Variants in ELAVL4 observed in about 807,000 individuals in gnomAD.
The protein encoded by ELAVL4 is ELAV-like protein 4.
A neutral mutation model predicts 35.6 loss-of-function variants in ELAVL4; 1 was observed. That is an observed-to-expected ratio of 0.03 (90% confidence interval 0.01 to 0.13). The LOEUF (loss-of-function observed/expected upper bound fraction) is 0.13, where lower values mean the gene tolerates loss of function less well. ELAVL4 is among the 10% of genes least tolerant of loss of function. The pLI is 1.00. For synonymous variants in ELAVL4, 156 were observed against 171.0 expected (o/e 0.91, Z 0.69); for missense variants, 267 against 464.9 (o/e 0.57, Z 3.91).
chr1:50,143,138 G>T (rs571854979), intron 1 of ELAVL4, among the ~76,000 whole-genome samples: 1 of 152,308 alleles, frequency 6.6e-6, no homozygotes, highest in South Asian at 2.1e-4. Context: ...GGCATTTGGG[G>T]TGCCAGTCAT....
At chr1:50,102,384 C>T (rs1172573960), upstream of ELAVL4, among the ~76,000 whole-genome samples, 6 of 151,224 alleles carry the variant, frequency 4.0e-5, no homozygotes, top group African/African-American at 1.5e-4. Context: ...TCAAAGAATT[C>T]CTGTTAATTT....
At chr1:50,156,274 C>G (rs1460648870) in intron 2 of ELAVL4, among the ~76,000 whole-genome samples, 2 of 152,228 alleles carry the variant, frequency 1.3e-5, no homozygotes, top group Non-Finnish European at 2.9e-5. Flanking sequence ...TCCATTTCCT[C>G]AATACACAGT....
intron 1 of ELAVL4, among the ~76,000 whole-genome samples, chr1:50,117,267 A>C (rs1668111028): frequency 6.6e-6 from 1 of 152,110 alleles, no homozygotes; most frequent in East Asian, 1.9e-4. Flanking sequence ...TGGGGCTAAA[A>C]ACATATTATA....
intron 1 of ELAVL4, among the ~76,000 whole-genome samples, chr1:50,076,987 T>C (rs1264774241): frequency 6.6e-6 from 1 of 152,000 alleles, no homozygotes; most frequent in African/African-American, 2.4e-5. Context: ...ATTATATTTG[T>C]CAAAAATCTC....
chr1:50,160,469 T>G (rs1037287645), intron 2 of ELAVL4, among the ~76,000 whole-genome samples: 2 of 152,354 alleles, frequency 1.3e-5, no homozygotes, highest in Admixed American at 1.3e-4. Context: ...TTTAAACATT[T>G]GTTGAAATCA....
chr1:50,081,804 T>G (rs1665020131), intron 1 of ELAVL4, among the ~76,000 whole-genome samples: 1 of 152,184 alleles, frequency 6.6e-6, no homozygotes, highest in South Asian at 2.1e-4. Flanking sequence ...CATTAGGTAT[T>G]TCTCCTAAAG....
rs2148697787 is a variant in ELAVL4 at position 50,146,788 on chromosome 1, T to G, written c.250+1591T>G. Among the ~76,000 whole-genome samples the G allele has an allele frequency of 1.3e-5, 2 of 152,322 alleles. 1 individual carries two copies. Among genetic ancestry groups the G allele is most frequent in the Middle Eastern group, 6.8e-3 (2 of 294 alleles). On this transcript the variant is annotated intron_variant, in intron 2 of 6. Coordinates refer to ENST00000371824, the MANE Select transcript of ELAVL4 (RefSeq NM_001144774.3). ...TCCTATATAGAAAATGTATTTTTAG[T>G]ATAGCCTTACCTTCAAAATACAGAC... is the stretch of plus-strand genomic sequence containing the variant.
At chr1:50,117,164 C>G (rs981435553) in intron 1 of ELAVL4, among the ~76,000 whole-genome samples, 2 of 152,042 alleles carry the variant, frequency 1.3e-5, no homozygotes, top group African/African-American at 4.8e-5. Flanking sequence ...AACTTTCTAG[C>G]TTGATTATAT....
chr1:50,099,577 AAAAG>A (rs1476747269), upstream of ELAVL4, among the ~76,000 whole-genome samples: 1 of 151,448 alleles, frequency 6.6e-6, no homozygotes, highest in Non-Finnish European at 1.5e-5. Context: ...AAAAAAAAAA[AAAAG>A]AAAGAAAAAG....
intron 1 of ELAVL4, among the ~76,000 whole-genome samples, chr1:50,122,207 G>A (rs888809696): frequency 2.0e-5 from 3 of 152,038 alleles, no homozygotes; most frequent in Non-Finnish European, 4.4e-5. Flanking sequence ...ATGTATTAAA[G>A]TGCCTACTAT....
intron 2 of ELAVL4, chr1:50,175,561 G>C (rs902157622): frequency 6.6e-6 from 1 of 152,136 alleles, no homozygotes; most frequent in African/African-American, 2.4e-5. Context: ...GTTTGCCCCT[G>C]TCTTTCTTCT....
At chr1:50,161,657 T>C (rs965684078) in intron 2 of ELAVL4, among the ~76,000 whole-genome samples, 1 of 152,220 alleles carries the variant, frequency 6.6e-6, no homozygotes, top group African/African-American at 2.4e-5. Context: ...TTATTTTATA[T>C]AACAAACCAA....
intron 1 of ELAVL4, among the ~76,000 whole-genome samples, chr1:50,064,726 G>T (rs1032875937): frequency 6.6e-6 from 1 of 152,132 alleles, no homozygotes; most frequent in Non-Finnish European, 1.5e-5. Flanking sequence ...CCATGTGAAG[G>T]CTTGCTGGAT....
At chr1:50,114,125 T>C (rs138240701) in intron 1 of ELAVL4, among the ~76,000 whole-genome samples, 92 of 152,256 alleles carry the variant, frequency 6.0e-4, no homozygotes, top group East Asian at 4.8e-3. Context: ...TAAGAAATTA[T>C]AAGTGTGCAA....
Position 50,140,511 on chromosome 1 carries a change from G to T in ELAVL4, c.10-4446G>T, listed in dbSNP as rs1295804460. Among the ~76,000 whole-genome samples the T allele has an allele frequency of 2.0e-5, 3 of 152,168 alleles. No individual in the cohort carries two copies. The East Asian group carries it at 5.8e-4, about 29-fold the overall frequency. ...GTGCATTTAATATCTTTACATCTTG[G>T]CAACTTCTCTTATTTTCCAGGTAAT... On this transcript the variant is annotated intron_variant, in intron 1 of 6. Transcript: ENST00000371824.
chr1:50,178,734 A>C (rs1167444781), intron 3 of ELAVL4, among the ~76,000 whole-genome samples: 1 of 152,208 alleles, frequency 6.6e-6, no homozygotes, highest in African/African-American at 2.4e-5. Context: ...GTAAAGACGG[A>C]TGCTCATGTC....
At chr1:50,109,280 T>C in intron 1 of ELAVL4, 82 bp downstream of exon 1, 1 of 1,439,856 alleles carries the variant, frequency 6.9e-7, no homozygotes, top group South Asian at 1.2e-5. Context: ...GTCTTATGCT[T>C]GCACAAGAGT....
intron 1 of ELAVL4, among the ~76,000 whole-genome samples, chr1:50,133,599 A>AAAAG (rs56304409): frequency 0.2 from 25,965 of 128,904 alleles, 2,624 homozygotes; most frequent in Middle Eastern, 0.23. Context: ...AGAAAGAAAG[A>AAAAG]AAAGAAAGAA....
chr1:50,177,226 G>GCCA, intron 3 of ELAVL4, 34 bp downstream of exon 3: 2 of 1,531,856 alleles, frequency 1.3e-6, no homozygotes, highest in Non-Finnish European at 1.8e-6. Context: ...TGATTCAGGA[G>GCCA]GCTCTGGTTA....
Sources: allele counts gnomAD v4.1 joint callset (sites outside exome capture counted in the v4.1 genomes callset), GRCh38; gene constraint gnomAD v4.1.1; transcripts MANE v1.5; gene names NCBI Gene and HGNC (gene_info 2026-07-23, HGNC 2026-07-21).